CTDSPL2: variants seen among roughly 807,000 people sequenced by gnomAD.
CTDSPL2 encodes CTD small phosphatase-like protein 2.
In CTDSPL2, 5 loss-of-function variants were observed where a neutral mutation model predicts 60.0. That is an observed-to-expected ratio of 0.08 (90% CI 0.04 to 0.18). The LOEUF is 0.18. Among genes scored for constraint, CTDSPL2 ranks in the 10% least tolerant of loss-of-function variants. The pLI is 1.00. For missense variants in CTDSPL2, 370 were observed against 548.8 expected (o/e 0.67, Z 3.26); for synonymous variants, 186 against 189.3 (o/e 0.98, Z 0.14).
intron 1 of CTDSPL2, among the ~76,000 whole-genome samples, chr15:44,452,813 C>G (rs926372774): frequency 6.6e-6 from 1 of 151,988 alleles, no homozygotes; most frequent in African/African-American, 2.4e-5. Context: ...ATTTTTTATG[C>G]TATCACCAGT....
rs1181993808 is a variant in CTDSPL2, at chr15:44,496,417, C to T, written c.729C>T (p.His243=). ...VTPDSGYSSA[H]AEATYEEDWE... ...CAGATAGTGGTTATTCATCAGCCCA[C>T]GCGGAGGCCACCTATGAAGAAGACT... The change falls in exon 6 of 13, where the codon CAC becomes CAT. Residue 243 remains histidine (H), a synonymous_variant. Transcript: ENST00000260327. 4.3e-6 allele frequency: 7 copies of T among 1,613,760 alleles called. No homozygotes were observed. Among genetic ancestry groups the T allele is most frequent in the East Asian group, 4.5e-5 (2 of 44,900 alleles).
chr15:44,449,269 G>C (rs956850439), intron 1 of CTDSPL2: 1 of 238,600 alleles, frequency 4.2e-6, no homozygotes, highest in Non-Finnish European at 8.8e-6. Flanking sequence ...CTCAGACTAT[G>C]CTTGTCTAGC....
In CTDSPL2 at chr15:44,497,144, T is replaced by G; in HGVS notation, c.882+6T>G. Reference sequence around the variant, plus strand: ...TCTCCCTAGTTTTAGACTTGGTAAGTATATTATCTGTAGAGGTAGAGAGAA... The same window carrying G: ...TCTCCCTAGTTTTAGACTTGGTAAGGATATTATCTGTAGAGGTAGAGAGAA... On this transcript the variant is annotated splice_donor_region_variant and intron_variant, in intron 7 of 12. Transcript: ENST00000260327. 6.7e-7 allele frequency: 1 copy of G among 1,498,236 alleles called. No homozygotes were observed. The allele number at this position is 1,498,236 out of a possible 1,614,324, so 92.8% of individuals were successfully genotyped here.
At chr15:44,454,504 G>T (rs1206602927) in intron 1 of CTDSPL2, among the ~76,000 whole-genome samples, 1 of 152,118 alleles carries the variant, frequency 6.6e-6, no homozygotes, top group African/African-American at 2.4e-5. Flanking sequence ...CCTTGCCCAT[G>T]CCTATGTCCT....
intron 1 of CTDSPL2, chr15:44,448,593 A>G (rs1381641682): frequency 3.3e-6 from 1 of 298,648 alleles, no homozygotes; most frequent in Non-Finnish European, 6.5e-6. Context: ...TCCCAGAGCC[A>G]AATTGACCCA....
chr15:44,486,758 GTTTTTTT>G, intron 4 of CTDSPL2, 58 bp downstream of exon 4: 1 of 800,354 alleles, frequency 1.2e-6, no homozygotes. Flanking sequence ...CATAGTTTGG[GTTTTTTT>G]TTTTTTTTTT....
intron 1 of CTDSPL2, among the ~76,000 whole-genome samples, chr15:44,454,698 T>G (rs999026757): frequency 2.6e-5 from 4 of 152,142 alleles, no homozygotes; most frequent in Admixed American, 6.5e-5. Context: ...TTTCCCCATT[T>G]CTTGTTTTTG....
chr15:44,433,217 A>T (rs771981766), intron 1 of CTDSPL2, among the ~76,000 whole-genome samples: 4 of 148,680 alleles, frequency 2.7e-5, no homozygotes, highest in Non-Finnish European at 5.9e-5. Flanking sequence ...AGCGGGGCTG[A>T]GTAGGGGGAA....
intron 1 of CTDSPL2, among the ~76,000 whole-genome samples, chr15:44,431,999 C>T (rs1339493494): frequency 6.6e-6 from 1 of 151,788 alleles, no homozygotes; most frequent in Non-Finnish European, 1.5e-5. Flanking sequence ...GCTGGGATTA[C>T]AGGTGTGAGC....
chr15:44,473,039 A>C (rs1239944418), intron 2 of CTDSPL2, among the ~76,000 whole-genome samples: 1 of 152,010 alleles, frequency 6.6e-6, no homozygotes, highest in African/African-American at 2.4e-5. Flanking sequence ...TTAAGAGATC[A>C]TCCTACCTTG....
intron 1 of CTDSPL2, among the ~76,000 whole-genome samples, chr15:44,435,598 T>A (rs2079961757): frequency 6.6e-6 from 1 of 150,462 alleles, no homozygotes; most frequent in South Asian, 2.1e-4. Flanking sequence ...AATCTTCCTG[T>A]TGTAGAGTTG....
At chr15:44,461,932 A>G (rs371006463) in intron 2 of CTDSPL2, among the ~76,000 whole-genome samples, 23 of 151,972 alleles carry the variant, frequency 1.5e-4, no homozygotes, top group African/African-American at 5.3e-4. Context: ...CAGGTTGTTC[A>G]AGGATCAGCG....
At chr15:44,448,528 G>C (rs1038767260) in intron 1 of CTDSPL2, 8 of 269,864 alleles carry the variant, frequency 3.0e-5, no homozygotes, top group Non-Finnish European at 5.1e-5. Context: ...GCTTTGTAGT[G>C]ATCTTCCCTA....
At chr15:44,490,734 T>C (rs1555436735) in intron 4 of CTDSPL2, 50 bp from the exon 5 acceptor site, 1 of 1,435,140 alleles carries the variant, frequency 7.0e-7, no homozygotes, top group South Asian at 1.1e-5. Flanking sequence ...TTAGTTTTTC[T>C]AAATAGGTGC....
intron 4 of CTDSPL2, among the ~76,000 whole-genome samples, 196 bp from the exon 5 acceptor site, chr15:44,490,588 A>G (rs543459136): frequency 6.6e-6 from 1 of 152,202 alleles, no homozygotes; most frequent in Non-Finnish European, 1.5e-5. Context: ...TTGCTCACAA[A>G]TGTTACTCTA....
chr15:44,474,188 C>T (rs2080865987), intron 2 of CTDSPL2, among the ~76,000 whole-genome samples: 1 of 152,146 alleles, frequency 6.6e-6, no homozygotes, highest in Non-Finnish European at 1.5e-5. Flanking sequence ...CAAGAACTTT[C>T]TTGGGGCCAG....
Position 44,514,836 on chromosome 15 carries a change from A to G in CTDSPL2, c.1104A>G (p.Gln368=). ...TGAACATACTAGACCCTAAAAAGCA[A>G]CTGGTCAGGTAAATTTAATTAAGAA... The part of the protein sequence containing the change: ...KLLNILDPKK[Q]LVRHRLFREH... The change falls in exon 10 of 13, where the codon CAA becomes CAG. Residue 368 remains glutamine, a synonymous_variant. Transcript: ENST00000260327. 2 of 1,567,326 alleles carry G rather than the reference A, an allele frequency of 1.3e-6. No individual in the cohort carries two copies. Among genetic ancestry groups the G allele is most frequent in the South Asian group, 1.1e-5 (1 of 88,016 alleles).
At chr15:44,465,237 A>G (rs902223471) in intron 2 of CTDSPL2, among the ~76,000 whole-genome samples, 17 of 152,146 alleles carry the variant, frequency 1.1e-4, no homozygotes, top group East Asian at 1.9e-4. Flanking sequence ...TTTTAGCACA[A>G]TGAGATTTCT....
chr15:44,428,588 C>G (rs1169492627), intron 1 of CTDSPL2, among the ~76,000 whole-genome samples: 1 of 152,146 alleles, frequency 6.6e-6, no homozygotes, highest in Non-Finnish European at 1.5e-5. Flanking sequence ...TCTAAGAGCT[C>G]GTAAACTTAC....
Sources: allele counts gnomAD v4.1 joint callset (sites outside exome capture counted in the v4.1 genomes callset), GRCh38; gene constraint gnomAD v4.1.1; transcripts MANE v1.5; gene names NCBI Gene and HGNC (gene_info 2026-07-23, HGNC 2026-07-21).